The following PRKN variants were observed in gnomAD, a reference collection of about 807,000 sequenced individuals.
PRKN encodes E3 ubiquitin-protein ligase parkin.
PRKN carries 56 observed loss-of-function variants against 59.5 expected under a neutral mutation model. The ratio of observed to expected loss-of-function variants is 0.94; its 90% CI spans 0.76 to 1.18. The LOEUF (loss-of-function observed/expected upper bound fraction) is 1.18, where lower values mean the gene tolerates loss of function less well. Ranked by LOEUF, PRKN falls within the 50% of genes most tolerant of loss-of-function variation. The pLI is 0.00. For missense variants in PRKN, 657 were observed against 596.4 expected (o/e 1.10, Z -1.06); for synonymous variants, 250 against 222.1 (o/e 1.13, Z -1.12).
chr6:161,891,519 G>A (rs1205276993), intron 6 of PRKN, among the ~76,000 whole-genome samples: 2 of 152,092 alleles, frequency 1.3e-5, no homozygotes, highest in Non-Finnish European at 2.9e-5. Context: ...GAGGCTTCGA[G>A]GTCTTACAGG....
chr6:162,666,929 G>T (rs1225916592), intron 1 of PRKN, among the ~76,000 whole-genome samples: 1 of 152,068 alleles, frequency 6.6e-6, no homozygotes, highest in Non-Finnish European at 1.5e-5. Context: ...GTGGAATACA[G>T]ATGACGTATT....
At chr6:162,709,001 G>T (rs745528404) in intron 1 of PRKN, among the ~76,000 whole-genome samples, 1 of 152,172 alleles carries the variant, frequency 6.6e-6, no homozygotes, top group African/African-American at 2.4e-5. Context: ...TCTCACCGGA[G>T]CGTGAACCCT....
rs1777845508 is a variant in PRKN at position 161,498,719 on chromosome 6, G to A, written c.1083+50135C>T. On this transcript the variant is annotated intron_variant, in intron 9 of 11. Transcript: ENST00000366898. This position sits in a 1 kb window ranked among gnomAD's most constrained non-coding sequence, Gnocchi z 4.2. ...GCCAACCCTATTGGACAGGCCTTACGCGTGAGAAACAAACCTTTGTTGTTT... is the reference window on the plus strand; with the variant it reads ...GCCAACCCTATTGGACAGGCCTTACACGTGAGAAACAAACCTTTGTTGTTT... Among the ~76,000 whole-genome samples, 1 of 152,134 alleles carries A rather than the reference G, an allele frequency of 6.6e-6. No individual in the cohort carries two copies. Among genetic ancestry groups the A allele is most frequent in the Non-Finnish European group, 1.5e-5 (1 of 68,022 alleles).
chr6:162,196,284 T>G (rs1784494903), intron 4 of PRKN, among the ~76,000 whole-genome samples: 3 of 152,166 alleles, frequency 2.0e-5, no homozygotes, highest in Non-Finnish European at 4.4e-5. Flanking sequence ...TCAAAATAAT[T>G]AAAAATTAAT....
At chr6:162,672,977 A>G (rs1779391315) in intron 1 of PRKN, among the ~76,000 whole-genome samples, 1 of 152,218 alleles carries the variant, frequency 6.6e-6, no homozygotes, top group African/African-American at 2.4e-5. Context: ...TAGCAACAGG[A>G]ATGTTCAATG....
At chr6:162,012,604 T>G (rs1260518189) in intron 5 of PRKN, among the ~76,000 whole-genome samples, 4 of 152,148 alleles carry the variant, frequency 2.6e-5, no homozygotes, top group Admixed American at 6.6e-5. Flanking sequence ...CAGAAAATAC[T>G]GATAGAATGC....
chr6:162,408,878 T>C (rs751603667), intron 2 of PRKN, among the ~76,000 whole-genome samples: 2 of 152,084 alleles, frequency 1.3e-5, no homozygotes, highest in Non-Finnish European at 2.9e-5. Context: ...ATGATTATAA[T>C]GAATCCTCTG....
chr6:162,465,012 G>GT (rs1791351382), intron 1 of PRKN, among the ~76,000 whole-genome samples: 1 of 152,114 alleles, frequency 6.6e-6, no homozygotes, highest in African/African-American at 2.4e-5. Context: ...AAGCATCTAT[G>GT]TAACATATCC....
chr6:161,411,044 A>T (rs746007069), intron 9 of PRKN, among the ~76,000 whole-genome samples: 1 of 152,128 alleles, frequency 6.6e-6, no homozygotes, highest in African/African-American at 2.4e-5. Flanking sequence ...ACCTAATATT[A>T]TCAGCGGTGA....
At chr6:161,491,404 G>C (rs1777551821) in intron 9 of PRKN, among the ~76,000 whole-genome samples, 1 of 152,200 alleles carries the variant, frequency 6.6e-6, no homozygotes, top group African/African-American at 2.4e-5. Flanking sequence ...AACATCGTTT[G>C]TTGGGTTGTT....
At chr6:162,288,145 G>C (rs1781277372) in intron 2 of PRKN, among the ~76,000 whole-genome samples, 1 of 152,118 alleles carries the variant, frequency 6.6e-6, no homozygotes, top group South Asian at 2.1e-4. Context: ...CTCCCTGCCT[G>C]GAAGTGGGCT....
intron 7 of PRKN, among the ~76,000 whole-genome samples, chr6:161,591,742 A>G (rs1204541414): frequency 6.6e-6 from 1 of 152,232 alleles, no homozygotes; most frequent in Non-Finnish European, 1.5e-5. Flanking sequence ...TGAATATCCA[A>G]TAATTCTGTA....
chr6:161,601,871 C>G (rs1023422970), intron 7 of PRKN, among the ~76,000 whole-genome samples: 3 of 152,122 alleles, frequency 2.0e-5, no homozygotes, highest in Non-Finnish European at 4.4e-5. Context: ...CATGAGCCAC[C>G]GCGCCCGGCA....
At chr6:161,408,346 CA>C (rs1404460555) in intron 9 of PRKN, among the ~76,000 whole-genome samples, 72 of 148,068 alleles carry the variant, frequency 4.9e-4, no homozygotes, top group African/African-American at 1.7e-3. Context: ...AGCCCATCAG[CA>C]TAAACTCGTC....
At chr6:161,920,060 C>T (rs1778720356) in intron 6 of PRKN, among the ~76,000 whole-genome samples, 1 of 152,188 alleles carries the variant, frequency 6.6e-6, no homozygotes, top group Non-Finnish European at 1.5e-5. Flanking sequence ...AAAACCTGTA[C>T]AGCATGTTAC....
intron 6 of PRKN, among the ~76,000 whole-genome samples, chr6:161,917,549 C>G (rs899780869): frequency 2.8e-4 from 43 of 152,096 alleles, no homozygotes; most frequent in African/African-American, 1.0e-3. Context: ...GATATGATGA[C>G]AATACAATTC....
At chr6:161,608,014 A>G (rs1177395992) in intron 7 of PRKN, among the ~76,000 whole-genome samples, 2 of 152,156 alleles carry the variant, frequency 1.3e-5, no homozygotes, top group African/African-American at 4.8e-5. Flanking sequence ...ATTCCCAGAC[A>G]AACCATTGAT....
intron 4 of PRKN, among the ~76,000 whole-genome samples, chr6:162,068,699 A>G (rs1778443504): frequency 6.6e-6 from 1 of 152,226 alleles, no homozygotes; most frequent in Non-Finnish European, 1.5e-5. Flanking sequence ...TGAATCCATC[A>G]TAAGTAATAT....
In PRKN at chr6:161,390,361, G is replaced by T. The variant is rs1786451971; in HGVS notation, c.1084-3484C>A. ...ATTTATTAACTCAAGGTAGTTCCCA[G>T]TGTTAATGTAGATTGTGCTATTTTC... On this transcript the variant is annotated intron_variant, in intron 9 of 11. Transcript: ENST00000366898. The surrounding 1 kb of genome is among the most constrained non-coding windows in gnomAD (Gnocchi z 7.0). Among the ~76,000 whole-genome samples, 1 of 152,222 alleles carries T rather than the reference G, an allele frequency of 6.6e-6. No individual in the cohort carries two copies. The highest frequency in any genetic ancestry group is 2.1e-4 in the South Asian group (1 of 4,836).
Sources: allele counts gnomAD v4.1 joint callset (sites outside exome capture counted in the v4.1 genomes callset), GRCh38; gene constraint gnomAD v4.1.1; non-coding constraint Gnocchi (gnomAD v3.1); transcripts MANE v1.5; gene names NCBI Gene and HGNC (gene_info 2026-07-23, HGNC 2026-07-21).